Variants in SLC35F4 observed in about 807,000 individuals in gnomAD.
SLC35F4 encodes solute carrier family 35 member F4.
Under a neutral mutation model 44.2 loss-of-function variants are expected in SLC35F4, and 24 were observed. The observed-to-expected ratio is 0.54, with a 90% CI of 0.39 to 0.76. SLC35F4 has a LOEUF of 0.76. SLC35F4 is among the 30% of genes least tolerant of loss of function. The pLI, the probability that SLC35F4 is intolerant of heterozygous loss-of-function variation, is 0.00. For synonymous variants in SLC35F4, 238 were observed against 223.6 expected, an observed-to-expected ratio of 1.06 and a Z score of -0.57; for missense variants, 562 against 586.1, an observed-to-expected ratio of 0.96 and a Z score of 0.42.
chr14:57,839,489 C>T (rs534972456), intron 1 of SLC35F4, among the ~76,000 whole-genome samples: 1 of 152,224 alleles, frequency 6.6e-6, no homozygotes, highest in South Asian at 2.1e-4. Flanking sequence ...GAACACAAAA[C>T]CAAACACTGA....
chr14:57,953,348 T>C (rs1890176420), intron 1 of SLC35F4, among the ~76,000 whole-genome samples: 1 of 152,072 alleles, frequency 6.6e-6, no homozygotes, highest in Admixed American at 6.5e-5. Context: ...GTAAAGACCA[T>C]CAACCCAATG....
intron 1 of SLC35F4, among the ~76,000 whole-genome samples, chr14:57,767,877 CA>C (rs1406523959): frequency 1.3e-5 from 2 of 151,902 alleles, no homozygotes; most frequent in Non-Finnish European, 2.9e-5. Flanking sequence ...GGAATCCTAC[CA>C]AAAACTATAT....
chr14:57,930,576 A>G (rs1889679253), intron 1 of SLC35F4, among the ~76,000 whole-genome samples: 1 of 152,148 alleles, frequency 6.6e-6, no homozygotes, highest in Non-Finnish European at 1.5e-5. Context: ...TTATTGGGAA[A>G]ACCCAGATAA....
rs191690163 is a variant in SLC35F4, at chr14:57,967,479, A to C, written n.282+14434T>G. Among the ~76,000 whole-genome samples, 6 of 152,342 alleles carry C rather than the reference A, an allele frequency of 3.9e-5. No individual in the cohort carries two copies. The East Asian group carries it at 1.2e-3, about 29-fold the overall frequency. On this transcript the variant is annotated intron_variant and non_coding_transcript_variant, in intron 1 of 1. Transcript: ENST00000556568. ...TTTAACATAAATAGTATCATACTGT[A>C]CACAGTCTTCTACAACTTAACTTTT... is the stretch of plus-strand genomic sequence containing the variant.
intron 6 of SLC35F4, 31 bp downstream of exon 6, chr14:57,569,757 G>T (rs1350855500): frequency 3.9e-6 from 6 of 1,545,374 alleles, no homozygotes; most frequent in Non-Finnish European, 4.3e-6. Flanking sequence ...ATTGATATAG[G>T]GAATGGAAGG....
intron 1 of SLC35F4, among the ~76,000 whole-genome samples, chr14:57,944,750 A>AG (rs1889989539): frequency 2.1e-5 from 3 of 146,260 alleles, no homozygotes; most frequent in African/African-American, 7.5e-5. Flanking sequence ...AAAGAAAGAA[A>AG]GAAGAAAGGA....
chr14:57,753,187 T>C (rs2140572562), intron 1 of SLC35F4, among the ~76,000 whole-genome samples: 2 of 152,310 alleles, frequency 1.3e-5, no homozygotes, highest in Middle Eastern at 6.8e-3. Context: ...GATGAAGTGG[T>C]GGTTTCTGCA....
At chr14:57,613,785 C>T (rs2140060446) in intron 1 of SLC35F4, among the ~76,000 whole-genome samples, 1 of 152,348 alleles carries the variant, frequency 6.6e-6, no homozygotes, top group Middle Eastern at 3.4e-3. Flanking sequence ...AGCTCTGTCT[C>T]CCACTAGGAT....
intron 1 of SLC35F4, among the ~76,000 whole-genome samples, chr14:57,877,960 C>T (rs1176732929): frequency 6.6e-6 from 1 of 152,074 alleles, no homozygotes; most frequent in Non-Finnish European, 1.5e-5. Context: ...GCTGGGATTA[C>T]AGGCATGAGG....
chr14:57,702,585 C>G (rs1215861081), intron 1 of SLC35F4, among the ~76,000 whole-genome samples: 1 of 152,150 alleles, frequency 6.6e-6, no homozygotes, highest in African/African-American at 2.4e-5. Flanking sequence ...CTCTGTGCCT[C>G]TGTCATAAGG....
chr14:57,974,441 C>G (rs1881150321), downstream of SLC35F4, among the ~76,000 whole-genome samples: 1 of 152,212 alleles, frequency 6.6e-6, no homozygotes, highest in South Asian at 2.1e-4. Flanking sequence ...GAGTTAGACT[C>G]CATCTCTCAA....
chr14:57,781,978 G>A (rs937633806), intron 1 of SLC35F4, among the ~76,000 whole-genome samples: 5 of 152,110 alleles, frequency 3.3e-5, no homozygotes, highest in African/African-American at 1.2e-4. Context: ...TTTAATACCT[G>A]GGTGATAAAG....
At chr14:57,783,217 A>G (rs1340748943) in intron 1 of SLC35F4, among the ~76,000 whole-genome samples, 2 of 152,140 alleles carry the variant, frequency 1.3e-5, no homozygotes, top group Non-Finnish European at 2.9e-5. Context: ...AGGAAGATGA[A>G]GTATCTAAAG....
intron 1 of SLC35F4, among the ~76,000 whole-genome samples, chr14:57,954,681 T>G (rs531109565): frequency 2.0e-5 from 3 of 151,776 alleles, no homozygotes; most frequent in Non-Finnish European, 4.4e-5. Context: ...CTAAAAGAAA[T>G]GGATAAATTC....
At chr14:57,964,175 G>A (rs1167179098) in intron 1 of SLC35F4, among the ~76,000 whole-genome samples, 1 of 152,158 alleles carries the variant, frequency 6.6e-6, no homozygotes, top group East Asian at 1.9e-4. Context: ...GTCTCAGGAG[G>A]AGGAAAGAGC....
intron 1 of SLC35F4, among the ~76,000 whole-genome samples, chr14:57,664,275 C>T (rs1382461108): frequency 6.6e-6 from 1 of 152,108 alleles, no homozygotes; most frequent in East Asian, 1.9e-4. Flanking sequence ...AAACTATTAT[C>T]TTCTCTTTTA....
intron 1 of SLC35F4, among the ~76,000 whole-genome samples, chr14:57,722,760 C>A (rs1000723003): frequency 2.6e-5 from 4 of 152,158 alleles, no homozygotes; most frequent in Non-Finnish European, 5.9e-5. Flanking sequence ...AAGCCTACTG[C>A]ATTCCTCCTT....
At chr14:57,842,487 T>C (rs1295386046) in intron 1 of SLC35F4, among the ~76,000 whole-genome samples, 2 of 152,118 alleles carry the variant, frequency 1.3e-5, no homozygotes, top group Non-Finnish European at 2.9e-5. Flanking sequence ...TTCCATGATG[T>C]TTGGCCACCC....
At chr14:57,893,944 T>G (rs541822159) in intron 1 of SLC35F4, among the ~76,000 whole-genome samples, 1 of 152,124 alleles carries the variant, frequency 6.6e-6, no homozygotes, top group East Asian at 1.9e-4. Context: ...AATTCAAAAG[T>G]ATTTTGGTTT....
Sources: gnomAD v4.1 joint callset for allele counts (sites outside exome capture counted in the v4.1 genomes callset) on GRCh38, gnomAD v4.1.1 for gene constraint, MANE v1.5 for transcripts, NCBI Gene and HGNC (gene_info 2026-07-23, HGNC 2026-07-21) for gene names.